The following PPM1L variants were observed in gnomAD, a reference collection of about 807,000 sequenced individuals.
The protein encoded by PPM1L is protein phosphatase 1L.
Under a neutral mutation model 31.4 loss-of-function variants are expected in PPM1L, and 13 were observed. That is an observed-to-expected ratio of 0.41 (90% CI 0.27 to 0.66). The LOEUF (loss-of-function observed/expected upper bound fraction) is 0.66. Among genes scored for constraint, PPM1L ranks in the 30% least tolerant of loss-of-function variants. The pLI, the probability that PPM1L is intolerant of heterozygous loss-of-function variation, is 0.29. For missense variants in PPM1L, 326 were observed against 453.7 expected (o/e 0.72, Z 2.56); for synonymous variants, 184 against 175.4 (o/e 1.05, Z -0.39).
At chr3:160,958,046 G>A (rs538770090) in intron 1 of PPM1L, among the ~76,000 whole-genome samples, 3 of 152,168 alleles carry the variant, frequency 2.0e-5, no homozygotes, top group Admixed American at 6.5e-5. Flanking sequence ...CCTTATAGAC[G>A]TTGAATATTA....
At chr3:160,995,552 C>T (rs899476885) in intron 2 of PPM1L, among the ~76,000 whole-genome samples, 1 of 152,076 alleles carries the variant, frequency 6.6e-6, no homozygotes, top group Non-Finnish European at 1.5e-5. Context: ...AACTCCTGTC[C>T]CCAGGTGATC....
At chr3:160,832,704 T>C (rs911212542) in intron 1 of PPM1L, among the ~76,000 whole-genome samples, 1 of 152,216 alleles carries the variant, frequency 6.6e-6, no homozygotes, top group African/African-American at 2.4e-5. Context: ...ATTGGTGCAA[T>C]AATGTTAACT....
chr3:160,892,875 G>A (rs1177782757), intron 1 of PPM1L, among the ~76,000 whole-genome samples: 1 of 152,026 alleles, frequency 6.6e-6, no homozygotes, highest in Non-Finnish European at 1.5e-5. Flanking sequence ...TAGATTCACA[G>A]AATTCATTGA....
chr3:160,884,059 G>A (rs1205459799), intron 1 of PPM1L, among the ~76,000 whole-genome samples: 1 of 151,834 alleles, frequency 6.6e-6, no homozygotes, highest in Non-Finnish European at 1.5e-5. Context: ...GACAGAGTGA[G>A]ACCCTGTCTC....
At chr3:160,873,073 TAAA>T (rs959366973) in intron 1 of PPM1L, among the ~76,000 whole-genome samples, 4 of 152,190 alleles carry the variant, frequency 2.6e-5, no homozygotes, top group Non-Finnish European at 4.4e-5. Context: ...AGATGATTTT[TAAA>T]AAAGTCACTG....
intron 1 of PPM1L, among the ~76,000 whole-genome samples, chr3:160,805,555 C>G (rs1712572177): frequency 6.6e-6 from 1 of 152,026 alleles, no homozygotes; most frequent in African/African-American, 2.4e-5. Context: ...TATCCTGTCT[C>G]TGCTAAAAAT....
At chr3:160,851,707 G>C (rs185188821) in intron 1 of PPM1L, among the ~76,000 whole-genome samples, 30 of 152,092 alleles carry the variant, frequency 2.0e-4, no homozygotes, top group African/African-American at 7.0e-4. Flanking sequence ...CTTAGTAGGG[G>C]CATTAGTTAT....
At chr3:160,785,125 A>G (rs1285384792) in intron 1 of PPM1L, among the ~76,000 whole-genome samples, 1 of 152,192 alleles carries the variant, frequency 6.6e-6, no homozygotes, top group Non-Finnish European at 1.5e-5. Flanking sequence ...GGATTTATAC[A>G]GTGTTTGCTT....
At chr3:160,792,444 G>A (rs991390640) in intron 1 of PPM1L, among the ~76,000 whole-genome samples, 2 of 152,134 alleles carry the variant, frequency 1.3e-5, no homozygotes, top group Non-Finnish European at 2.9e-5. Flanking sequence ...GGTTTGCAGA[G>A]AAGTTGCAAA....
chr3:160,959,384 A>T (rs918843855), intron 1 of PPM1L, among the ~76,000 whole-genome samples: 7 of 152,196 alleles, frequency 4.6e-5, no homozygotes, highest in Admixed American at 1.3e-4. Flanking sequence ...AAAATCTCAG[A>T]AATCACCACT....
chr3:160,874,204 T>G (rs1174511277), intron 1 of PPM1L, among the ~76,000 whole-genome samples: 5 of 152,206 alleles, frequency 3.3e-5, no homozygotes, highest in Non-Finnish European at 2.9e-5. Context: ...CCCAGAACTT[T>G]GAATCTTGAG....
intron 2 of PPM1L, among the ~76,000 whole-genome samples, chr3:161,018,543 A>G (rs1718150031): frequency 6.6e-6 from 1 of 152,176 alleles, no homozygotes; most frequent in Admixed American, 6.6e-5. Flanking sequence ...TTAGTTTAGG[A>G]CTAGAGTTAA....
chr3:160,951,166 A>C (rs1715566034), intron 1 of PPM1L, among the ~76,000 whole-genome samples: 1 of 152,248 alleles, frequency 6.6e-6, no homozygotes, highest in Admixed American at 6.5e-5. Context: ...TTCTCAACAG[A>C]TTGATGAGAA....
At chr3:160,985,981 C>CAA (rs1553752453) in intron 2 of PPM1L, among the ~76,000 whole-genome samples, 8,465 of 148,964 alleles carry the variant, frequency 0.057, 642 homozygotes, top group African/African-American at 0.18. Flanking sequence ...TCCACCCACC[C>CAA]AAAAAAAAAA....
intron 2 of PPM1L, among the ~76,000 whole-genome samples, chr3:161,046,674 A>G (rs908350740): frequency 2.0e-5 from 3 of 152,186 alleles, no homozygotes; most frequent in African/African-American, 2.4e-5. Flanking sequence ...GATGAACATC[A>G]ATGCAAAAAT....
At chr3:160,999,011 G>T (rs567677436) in intron 2 of PPM1L, among the ~76,000 whole-genome samples, 1 of 152,204 alleles carries the variant, frequency 6.6e-6, no homozygotes, top group African/African-American at 2.4e-5. Flanking sequence ...CTCAGTTAAG[G>T]CTACTCAGAG....
intron 1 of PPM1L, among the ~76,000 whole-genome samples, chr3:160,877,568 C>T (rs1231580963): frequency 6.6e-6 from 1 of 151,982 alleles, no homozygotes; most frequent in Non-Finnish European, 1.5e-5. Context: ...AGTATGCGGA[C>T]ACATGAGAAG....
At chr3:160,901,905 C>T (rs1008736552) in intron 1 of PPM1L, among the ~76,000 whole-genome samples, 7 of 151,760 alleles carry the variant, frequency 4.6e-5, no homozygotes, top group African/African-American at 7.3e-5. Context: ...TTTGTTTTTG[C>T]GTAAGTTGGT....
intron 2 of PPM1L, among the ~76,000 whole-genome samples, chr3:161,006,587 A>G (rs1305257095): frequency 1.3e-5 from 2 of 151,798 alleles, no homozygotes; most frequent in Non-Finnish European, 1.5e-5. Flanking sequence ...TTTTTTAATA[A>G]TTGGTTTTCC....
Sources: allele counts gnomAD v4.1 joint callset (sites outside exome capture counted in the v4.1 genomes callset), GRCh38; gene constraint gnomAD v4.1.1; transcripts MANE v1.5; gene names NCBI Gene and HGNC (gene_info 2026-07-23, HGNC 2026-07-21).